Variants in SNTG2 observed in about 807,000 individuals in gnomAD.
SNTG2 encodes the protein gamma-2-syntrophin.
SNTG2 carries 74 observed loss-of-function variants against 70.9 expected under a neutral mutation model. That is an observed-to-expected ratio of 1.04 (90% CI 0.86 to 1.27). The LOEUF (loss-of-function observed/expected upper bound fraction) is 1.27, where lower values mean the gene tolerates loss of function less well. Ranked by LOEUF, SNTG2 falls within the 50% of genes most tolerant of loss-of-function variation. The pLI, the probability that SNTG2 is intolerant of heterozygous loss-of-function variation, is 0.00. For missense variants in SNTG2, 717 were observed against 690.7 expected, an observed-to-expected ratio of 1.04 and a Z score of -0.43; for synonymous variants, 278 against 273.8, an observed-to-expected ratio of 1.02 and a Z score of -0.15.
chr2:1,333,190 A>G (rs1222044188), intron 16 of SNTG2, among the ~76,000 whole-genome samples: 1 of 152,174 alleles, frequency 6.6e-6, no homozygotes, highest in Admixed American at 6.5e-5. Context: ...CAAGAACTCA[A>G]TCGCTTTTAC....
intron 16 of SNTG2, among the ~76,000 whole-genome samples, chr2:1,322,623 A>G (rs1405846427): frequency 1.3e-5 from 2 of 151,354 alleles, no homozygotes; most frequent in African/African-American, 4.9e-5. Flanking sequence ...CTCTGTCTCT[A>G]TCTCTCTCAC....
At chr2:1,070,776 A>G (rs1405568352) in intron 1 of SNTG2, among the ~76,000 whole-genome samples, 4 of 152,200 alleles carry the variant, frequency 2.6e-5, no homozygotes, top group Non-Finnish European at 5.9e-5. Flanking sequence ...GGATTTTACT[A>G]CGATAATTTC....
At chr2:1,359,754 C>T (rs9326177) in intron 16 of SNTG2, among the ~76,000 whole-genome samples, 109,398 of 151,666 alleles carry the variant, frequency 0.72, 39,726 homozygotes, top group East Asian at 0.94. Context: ...CCTTAAATTG[C>T]GAATTTCTAT....
At chr2:983,340 G>A (rs1329602081) in intron 1 of SNTG2, among the ~76,000 whole-genome samples, 2 of 151,386 alleles carry the variant, frequency 1.3e-5, no homozygotes, top group Non-Finnish European at 2.9e-5. Context: ...AGAGGTGGAA[G>A]TCGGGATGAA....
chr2:1,302,347 A>AT, intron 14 of SNTG2, among the ~76,000 whole-genome samples: 1 of 152,236 alleles, frequency 6.6e-6, no homozygotes, highest in Admixed American at 6.5e-5. Context: ...AACTATTTGA[A>AT]ATATATATAC....
intron 1 of SNTG2, among the ~76,000 whole-genome samples, chr2:955,348 GTTA>G (rs1324718869): frequency 1.3e-5 from 2 of 152,218 alleles, no homozygotes; most frequent in Non-Finnish European, 2.9e-5. Context: ...ACCGAATCGT[GTTA>G]TTATAAAAAC....
At chr2:958,174 G>A (rs559685497) in intron 1 of SNTG2, among the ~76,000 whole-genome samples, 45 of 152,262 alleles carry the variant, frequency 3.0e-4, no homozygotes, top group Non-Finnish European at 3.4e-4. Context: ...GCCCCTGGGC[G>A]TCTGACTGTG....
At chr2:1,110,972 T>C (rs1386722482) in intron 4 of SNTG2, among the ~76,000 whole-genome samples, 1 of 152,200 alleles carries the variant, frequency 6.6e-6, no homozygotes, top group African/African-American at 2.4e-5. Context: ...GAATTCAATT[T>C]GTAACTTTTA....
intron 6 of SNTG2, among the ~76,000 whole-genome samples, chr2:1,146,398 T>C (rs1669110480): frequency 6.6e-6 from 1 of 152,060 alleles, no homozygotes; most frequent in Admixed American, 6.6e-5. Context: ...AAAGAAATCA[T>C]AGAAAAAAAT....
intron 1 of SNTG2, among the ~76,000 whole-genome samples, chr2:1,067,135 CAA>C (rs35467522): frequency 0.2 from 26,442 of 132,784 alleles, 2,365 homozygotes; most frequent in South Asian, 0.25. Flanking sequence ...AAGTCACTAG[CAA>C]AAAAAAAAAA....
chr2:1,245,349 G>A (rs1677364006), intron 11 of SNTG2, among the ~76,000 whole-genome samples: 1 of 152,134 alleles, frequency 6.6e-6, no homozygotes, highest in Non-Finnish European at 1.5e-5. Flanking sequence ...AAGATGACCT[G>A]GGCAGCCTGC....
intron 1 of SNTG2, among the ~76,000 whole-genome samples, chr2:981,292 G>A (rs924553598): frequency 1.3e-5 from 2 of 152,210 alleles, no homozygotes; most frequent in Non-Finnish European, 2.9e-5. Flanking sequence ...TCCAGGCTGG[G>A]CCCTGTTGAT....
intron 16 of SNTG2, among the ~76,000 whole-genome samples, chr2:1,331,201 CT>C (rs1659512699): frequency 6.6e-6 from 1 of 152,214 alleles, no homozygotes; most frequent in African/African-American, 2.4e-5. Flanking sequence ...GCAATGGACT[CT>C]TCTCTTCAGG....
chr2:1,173,506 C>T (rs1381905756), intron 8 of SNTG2, among the ~76,000 whole-genome samples: 1 of 152,232 alleles, frequency 6.6e-6, no homozygotes, highest in East Asian at 1.9e-4. Flanking sequence ...TTTTAGGAAA[C>T]TTCTGTGAGA....
chr2:1,098,814 T>G (rs1031212082), intron 4 of SNTG2, among the ~76,000 whole-genome samples: 7 of 152,262 alleles, frequency 4.6e-5, no homozygotes, highest in African/African-American at 1.4e-4. Flanking sequence ...ATGAGCCTGT[T>G]GCAGGACTAG....
At chr2:1,283,064 C>T (rs549567695) in intron 14 of SNTG2, among the ~76,000 whole-genome samples, 3 of 152,192 alleles carry the variant, frequency 2.0e-5, no homozygotes, top group Non-Finnish European at 4.4e-5. Context: ...CATGCACCGC[C>T]CACACCTAGA....
At chr2:1,218,742 C>T (rs917149726) in intron 9 of SNTG2, among the ~76,000 whole-genome samples, 2 of 152,106 alleles carry the variant, frequency 1.3e-5, no homozygotes, top group East Asian at 1.9e-4. Context: ...AGGAATAGTA[C>T]GGGGATAGGA....
At chr2:1,363,397 G>T (rs945456735) in intron 16 of SNTG2, among the ~76,000 whole-genome samples, 7 of 152,132 alleles carry the variant, frequency 4.6e-5, no homozygotes, top group African/African-American at 1.7e-4. Flanking sequence ...TAGCACATAT[G>T]TCCCAGCTTG....
At chr2:1,081,350 C>T (rs530766354) in intron 1 of SNTG2, among the ~76,000 whole-genome samples, 2 of 152,344 alleles carry the variant, frequency 1.3e-5, no homozygotes, top group African/African-American at 4.8e-5. Context: ...CAGGGAGCTG[C>T]GGGCACCTAC....
Sources: allele counts gnomAD v4.1 joint callset (sites outside exome capture counted in the v4.1 genomes callset), GRCh38; gene constraint gnomAD v4.1.1; transcripts MANE v1.5; gene names NCBI Gene and HGNC (gene_info 2026-07-23, HGNC 2026-07-21).